GPC6: variants seen among roughly 807,000 people sequenced by gnomAD.
GPC6 encodes glypican-6.
In GPC6, 14 loss-of-function variants were observed where a neutral mutation model predicts 55.2. The observed-to-expected ratio is 0.25, with a 90% CI of 0.17 to 0.40. GPC6 has a LOEUF of 0.40. GPC6 is among the 10% of genes least tolerant of loss of function. The pLI is 1.00. For missense variants in GPC6, 641 were observed against 708.5 expected (o/e 0.90, Z 1.08); for synonymous variants, 278 against 259.6 (o/e 1.07, Z -0.68).
rs1881710886 is a variant in GPC6, at chr13:93,527,742, A to C, written c.161-17521A>C. Among the ~76,000 whole-genome samples, 3 of 152,244 alleles carry C rather than the reference A, an allele frequency of 2.0e-5. 1 individual carries two copies. Among genetic ancestry groups the C allele is most frequent in the African/African-American group, 7.2e-5 (3 of 41,546 alleles). On this transcript the variant is annotated intron_variant, in intron 1 of 8. Coordinates refer to ENST00000377047, the MANE Select transcript of GPC6 (RefSeq NM_005708.5). The stretch of plus-strand genomic sequence containing the variant: ...CTCGCATCCCCCATCTGTGAAATAG[A>C]GACTGAGTGATATTTACCTATGGGC...
chr13:93,557,315 A>C (rs1446560748), intron 2 of GPC6, among the ~76,000 whole-genome samples: 5 of 152,046 alleles, frequency 3.3e-5, no homozygotes, highest in African/African-American at 1.2e-4. Context: ...TCCATAATTG[A>C]GTTGGTTGTC....
Position 93,383,561 on chromosome 13 carries a change from C to T in GPC6, c.160+155945C>T, listed in dbSNP as rs567680089. 2.0e-5 allele frequency among the ~76,000 whole-genome samples: 3 copies of T among 152,266 alleles called. 1 individual carries two copies. The South Asian group carries it at 6.2e-4, about 32-fold the overall frequency. ...TGAAAAAGCTTGGCTCCCAGCTTCT[C>T]ATTTCTCTTCTAGTTACCATTACTT... On this transcript the variant is annotated intron_variant, in intron 1 of 8. Coordinates refer to ENST00000377047, the MANE Select transcript of GPC6 (RefSeq NM_005708.5).
At chr13:94,030,851 C>T (rs1227674070) in intron 4 of GPC6, among the ~76,000 whole-genome samples, 1 of 152,174 alleles carries the variant, frequency 6.6e-6, no homozygotes, top group African/African-American at 2.4e-5. Flanking sequence ...GGCACATCCT[C>T]CCAGTCTTTA....
chr13:94,126,632 A>C (rs946023853), intron 4 of GPC6, among the ~76,000 whole-genome samples: 1 of 152,176 alleles, frequency 6.6e-6, no homozygotes, highest in Admixed American at 6.6e-5. Flanking sequence ...ATCAATTAAT[A>C]GAAGGGTAAA....
chr13:93,414,394 T>C (rs1876617083), intron 1 of GPC6, among the ~76,000 whole-genome samples: 1 of 152,190 alleles, frequency 6.6e-6, no homozygotes, highest in Admixed American at 6.6e-5. Context: ...TATCACTGGC[T>C]ACTTTTCATT....
chr13:94,231,839 AAT>A (rs1482342986), intron 4 of GPC6, among the ~76,000 whole-genome samples: 2 of 151,970 alleles, frequency 1.3e-5, no homozygotes, highest in African/African-American at 4.8e-5. Context: ...ACACAAAAAA[AAT>A]GTCTGCTTGT....
In GPC6 at chr13:94,106,937, A is replaced by G. The variant is rs118041503; in HGVS notation, c.877+79043A>G. ...AGCATAAGTAGTGGGTTCAGTCATC[A>G]CATTTAAAGTGGTTCCTCTAGAAAT... On this transcript the variant is annotated intron_variant, in intron 4 of 8. Coordinates refer to ENST00000377047, the MANE Select transcript of GPC6 (RefSeq NM_005708.5). Among the ~76,000 whole-genome samples, 528 of 152,312 alleles carry G rather than the reference A, an allele frequency of 3.5e-3. 2 individuals carry two copies. Among genetic ancestry groups the G allele is most frequent in the Non-Finnish European group, 5.7e-3 (389 of 68,028 alleles).
chr13:93,373,833 C>T (rs547905014), intron 1 of GPC6, among the ~76,000 whole-genome samples: 7 of 151,938 alleles, frequency 4.6e-5, no homozygotes, highest in South Asian at 2.1e-4. Flanking sequence ...AATCATTTTG[C>T]GTTTATTATA....
chr13:93,245,032 C>T (rs1168695246), intron 1 of GPC6, among the ~76,000 whole-genome samples: 1 of 152,128 alleles, frequency 6.6e-6, no homozygotes, highest in Non-Finnish European at 1.5e-5. Flanking sequence ...AGGTATTTGG[C>T]ATTGTCACTT....
At chr13:93,976,346 T>C (rs1288891433) in intron 3 of GPC6, among the ~76,000 whole-genome samples, 1 of 152,098 alleles carries the variant, frequency 6.6e-6, no homozygotes, top group East Asian at 1.9e-4. Context: ...GTTGTTTATT[T>C]ATCTTTAAAC....
At chr13:94,401,053 C>T (rs1428418118) in intron 8 of GPC6, among the ~76,000 whole-genome samples, 1 of 152,112 alleles carries the variant, frequency 6.6e-6, no homozygotes, top group Non-Finnish European at 1.5e-5. Flanking sequence ...TGTCCTCGAG[C>T]ACTCTAGTGA....
intron 4 of GPC6, among the ~76,000 whole-genome samples, chr13:94,212,509 C>T (rs537356589): frequency 6.6e-6 from 1 of 152,144 alleles, no homozygotes; most frequent in Non-Finnish European, 1.5e-5. Flanking sequence ...ACCTAAAGGA[C>T]ATGGAATCAC....
At chr13:93,600,131 T>C (rs971156081) in intron 2 of GPC6, among the ~76,000 whole-genome samples, 1 of 152,236 alleles carries the variant, frequency 6.6e-6, no homozygotes. Context: ...ATCTACTATG[T>C]AACTTATAAC....
chr13:93,610,681 A>T (rs992033624), intron 2 of GPC6, among the ~76,000 whole-genome samples: 16 of 152,186 alleles, frequency 1.1e-4, no homozygotes, highest in African/African-American at 3.9e-4. Flanking sequence ...CATTACACTT[A>T]TATTTTATAT....
intron 2 of GPC6, among the ~76,000 whole-genome samples, chr13:93,696,757 G>A (rs1882472307): frequency 6.6e-6 from 1 of 151,638 alleles, no homozygotes. Context: ...CTAGAAGCTG[G>A]AATTACAGGC....
At chr13:93,587,130 G>C (rs887986369) in intron 2 of GPC6, among the ~76,000 whole-genome samples, 3 of 151,986 alleles carry the variant, frequency 2.0e-5, no homozygotes, top group Non-Finnish European at 2.9e-5. Context: ...GCAATTTTGG[G>C]CAAGTCACTA....
chr13:93,335,087 A>G (rs2139141955), intron 1 of GPC6, among the ~76,000 whole-genome samples: 1 of 152,260 alleles, frequency 6.6e-6, no homozygotes, highest in African/African-American at 2.4e-5. Context: ...TCATTCCTCA[A>G]GTTTATTATC....
intron 2 of GPC6, among the ~76,000 whole-genome samples, chr13:93,784,596 CCTGTTATCTATTTTA>C (rs1181750976): frequency 6.6e-6 from 1 of 152,136 alleles, no homozygotes; most frequent in East Asian, 1.9e-4. Flanking sequence ...ATTGGAGTTT[CCTGTTATCTATTTTA>C]GAATCCCATC....
At chr13:93,462,851 T>C (rs183664317) in intron 1 of GPC6, among the ~76,000 whole-genome samples, 1 of 152,068 alleles carries the variant, frequency 6.6e-6, no homozygotes, top group Non-Finnish European at 1.5e-5. Context: ...GTCCTGGCAG[T>C]GTCTCTGCAT....
Sources: gnomAD v4.1 joint callset for allele counts (sites outside exome capture counted in the v4.1 genomes callset) on GRCh38, gnomAD v4.1.1 for gene constraint, MANE v1.5 for transcripts, NCBI Gene and HGNC (gene_info 2026-07-23, HGNC 2026-07-21) for gene names.